The following DNAJC27 variants were observed in gnomAD, a reference collection of about 807,000 sequenced individuals.
DNAJC27 encodes the protein dnaJ homolog subfamily C member 27.
In DNAJC27, 25 loss-of-function variants were observed where a neutral mutation model predicts 31.4. That is an observed-to-expected ratio of 0.80 (90% CI 0.58 to 1.11). The LOEUF (loss-of-function observed/expected upper bound fraction) is 1.11. DNAJC27 is among the 50% of genes most tolerant of loss of function. The pLI, the probability that DNAJC27 is intolerant of heterozygous loss-of-function variation, is 0.00. For synonymous variants in DNAJC27, 106 were observed against 112.7 expected, an observed-to-expected ratio of 0.94 and a Z score of 0.37; for missense variants, 356 against 347.3, an observed-to-expected ratio of 1.02 and a Z score of -0.20.
chr2:24,959,959 C>T (rs1327540789), intron 3 of DNAJC27, among the ~76,000 whole-genome samples: 1 of 152,180 alleles, frequency 6.6e-6, no homozygotes, highest in Non-Finnish European at 1.5e-5. Flanking sequence ...CTTGTGTCAC[C>T]CACAGGGCCT....
In DNAJC27 at chr2:24,947,659, G is replaced by A. The variant is rs368660593; in HGVS notation, c.779C>T (p.Ala260Val). The A allele has an allele frequency of 4.3e-6, 7 of 1,612,684 alleles. No individual in the cohort carries two copies. The highest frequency in any genetic ancestry group is 3.4e-6 in the Non-Finnish European group (4 of 1,178,944). Residue 260 changes from alanine (A) to valine (V), a missense_variant, in exon 7 of 7, where the codon GCA (alanine) becomes GTA (valine). Coordinates refer to ENST00000264711, the MANE Select transcript of DNAJC27 (RefSeq NM_016544.3). ...VAPGSEDAFK[A>V]VVNARTALLK... is the part of the protein sequence containing the mutation. ...GAGGGCTGTCCGAGCATTCACAACTGCTTTGAAGGCATCTTCACTGCCAGG... is the reference window on the plus strand; with the variant it reads ...GAGGGCTGTCCGAGCATTCACAACTACTTTGAAGGCATCTTCACTGCCAGG...
intron 6 of DNAJC27, among the ~76,000 whole-genome samples, chr2:24,948,315 G>A (rs932940242): frequency 2.0e-5 from 3 of 152,124 alleles, no homozygotes; most frequent in African/African-American, 7.2e-5. Flanking sequence ...GCATGAGTGA[G>A]TACAAGTTTA....
intron 3 of DNAJC27, among the ~76,000 whole-genome samples, chr2:24,960,101 G>T (rs999828491): frequency 6.6e-6 from 1 of 152,104 alleles, no homozygotes; most frequent in Admixed American, 6.5e-5. Context: ...AGTCAAGCAA[G>T]TCTATTGATG....
At chr2:24,947,785 G>C in intron 6 of DNAJC27, 37 bp from the exon 7 acceptor site, 2 of 1,596,942 alleles carry the variant, frequency 1.3e-6, no homozygotes, top group Non-Finnish European at 1.7e-6. Context: ...TAGTAACAGA[G>C]TCAGCCCAAC....
At chr2:24,961,619 T>C (rs1444773709) in intron 3 of DNAJC27, among the ~76,000 whole-genome samples, 1 of 151,832 alleles carries the variant, frequency 6.6e-6, no homozygotes, top group Non-Finnish European at 1.5e-5. Context: ...TAACAAGAGT[T>C]TGGAAGTTGA....
At chr2:24,950,428 G>C (rs992780423) in intron 6 of DNAJC27, among the ~76,000 whole-genome samples, 1 of 152,204 alleles carries the variant, frequency 6.6e-6, no homozygotes, top group African/African-American at 2.4e-5. Context: ...AGTAACGGTA[G>C]AATTAGACCG....
chr2:24,949,725 G>A lies in DNAJC27; in HGVS notation c.689+1669C>T, dbSNP rs1249815584. Among the ~76,000 whole-genome samples the A allele has an allele frequency of 4.6e-5, 7 of 152,264 alleles. No individual in the cohort carries two copies. The East Asian group carries it at 1.2e-3, about 25-fold the overall frequency. ...CTGGTAAATTTCAATTAACCAAAGT[G>A]AATACATAAGGAGCCCTAAGTTTCT... On this transcript the variant is annotated intron_variant, in intron 6 of 6. Coordinates refer to ENST00000264711, the MANE Select transcript of DNAJC27 (RefSeq NM_016544.3).
intron 2 of DNAJC27, among the ~76,000 whole-genome samples, chr2:24,964,283 G>T (rs181141130): frequency 1.3e-5 from 2 of 151,916 alleles, no homozygotes; most frequent in Non-Finnish European, 2.9e-5. Flanking sequence ...TTAGCCGGGC[G>T]TGGTGGTGGG....
chr2:24,963,154 C>T, intron 3 of DNAJC27: 1 of 400,694 alleles, frequency 2.5e-6, no homozygotes, highest in Admixed American at 4.1e-5. Flanking sequence ...AGCAAAAGTC[C>T]TCTGAAAGTC....
chr2:24,944,352 CT>C lies in DNAJC27; in HGVS notation c.*3263del, dbSNP rs527583605. ...GTCATTGTTCAATGGGGCACAGCTC[CT>C]TTTTTTTTTTTTTCTTTTTTTTAAA... On this transcript the variant is annotated 3_prime_UTR_variant, in exon 7 of 7. Transcript: ENST00000264711. 1.4e-3 allele frequency: 192 copies of C among 141,690 alleles called. No individual in the cohort carries two copies. Among genetic ancestry groups the C allele is most frequent in the African/African-American group, 1.7e-3 (67 of 38,694 alleles). The allele number at this position is 141,690 out of a possible 1,614,324, so 8.8% of individuals were successfully genotyped here. A position where few individuals can be genotyped will look rare whatever the true frequency, so the allele number is the denominator to read the frequency against.
At chr2:24,951,819 A>C (rs1393627324) in intron 5 of DNAJC27, among the ~76,000 whole-genome samples, 2 of 152,170 alleles carry the variant, frequency 1.3e-5, no homozygotes, top group Admixed American at 1.3e-4. Context: ...GTTAAAAAGT[A>C]ACAGATGGGC....
At chr2:24,971,765 G>T in intron 1 of DNAJC27, 53 bp downstream of exon 1, 1 of 1,510,388 alleles carries the variant, frequency 6.6e-7, no homozygotes, top group Non-Finnish European at 8.9e-7. Context: ...CCAGCCAATG[G>T]ACACGTCGCC....
chr2:24,951,419 G>A lies in DNAJC27; in HGVS notation c.664C>T (p.Leu222=), dbSNP rs762421819. The change falls in exon 6 of 7, where the codon CTG becomes TTG. Residue 222 remains leucine (L), a synonymous_variant. Coordinates refer to ENST00000264711, the MANE Select transcript of DNAJC27 (RefSeq NM_016544.3). ...IRNSKDSWDM[L]GVKPGASRDE... is the part of the protein sequence containing the mutation. ...CTTGAGGCCCCAGGTTTGACTCCCA[G>A]CATGTCCCAACTGTCTTTACTATTT... 1.2e-6 allele frequency: 2 copies of A among 1,612,830 alleles called. No homozygotes were observed. The highest frequency in any genetic ancestry group is 2.7e-5 in the African/African-American group (2 of 74,892).
chr2:24,957,914 T>C lies in DNAJC27; in HGVS notation c.301A>G (p.Lys101Glu), dbSNP rs1397526177. The change falls in exon 4 of 7, where the codon AAA becomes GAA. Residue 101 changes from lysine to glutamate, a missense_variant. Lys to Glu is a moderately conservative substitution (Grantham distance 56). Transcript: ENST00000264711. ...GVILVYDVGQ[K>E]DSFDALDAWL... ...GCATCAAGGGCGTCAAAGGAGTCTT[T>C]CTGCCCAACATCATAGACCAGTATC... 7 of 1,614,056 alleles carry C rather than the reference T, an allele frequency of 4.3e-6. No individual in the cohort carries two copies. The African/African-American group carries it at 9.3e-5, about 22-fold the overall frequency.
chr2:24,948,427 G>C lies in DNAJC27; in HGVS notation c.690-679C>G, dbSNP rs147318905. Among the ~76,000 whole-genome samples the C allele has an allele frequency of 1.8e-3, 267 of 152,268 alleles. 4 individuals carry two copies. The highest frequency in any genetic ancestry group is 6.1e-3 in the African/African-American group (253 of 41,532). On this transcript the variant is annotated intron_variant, in intron 6 of 6. Coordinates refer to ENST00000264711, the MANE Select transcript of DNAJC27 (RefSeq NM_016544.3). ...AATATCCAGGAGGAGAAGATGAAAA[G>C]AAAGGGGCTGAAATGAGCTCCAGGG...
At position 24,954,943 on chromosome 2, in the gene DNAJC27, G is replaced by GA. The variant is rs796762269; in HGVS notation, c.528+2099dup. Among the ~76,000 whole-genome samples the GA allele has an allele frequency of 2.7e-4, 40 of 149,672 alleles. 1 individual carries two copies. The highest frequency in any genetic ancestry group is 7.1e-4 in the African/African-American group (29 of 40,816). On this transcript the variant is annotated intron_variant, in intron 5 of 6. Transcript: ENST00000264711. ...AGAGCCAGACTCCGTCTCAAAAAAA[G>GA]AAAAAAAAACCAACGGTCTTCTGAG...
Position 24,971,883 on chromosome 2 carries a change from G to A in DNAJC27, c.22C>T (p.Arg8Trp). 6.2e-7 allele frequency: 1 copy of A among 1,605,468 alleles called. No homozygotes were observed. Among genetic ancestry groups the A allele is most frequent in the South Asian group, 1.1e-5 (1 of 89,700 alleles). Reference sequence around the variant, plus strand: ...CGGAGAGACCTGCCGGGCTCCTTCCGCTTCGGCATGTTGGCCTCCATGGCC... The same window carrying A: ...CGGAGAGACCTGCCGGGCTCCTTCCACTTCGGCATGTTGGCCTCCATGGCC... MEANMPKRKEPGRSLRIK... is the reference protein window; with the variant it reads MEANMPKWKEPGRSLRIK... The change falls in exon 1 of 7, where the codon CGG becomes TGG. Residue 8 changes from arginine to tryptophan, a missense_variant. Arg to Trp is a moderately radical substitution (Grantham distance 101). Coordinates refer to ENST00000264711, the MANE Select transcript of DNAJC27 (RefSeq NM_016544.3).
intron 2 of DNAJC27, among the ~76,000 whole-genome samples, chr2:24,965,242 G>C (rs77604886): frequency 6.0e-5 from 9 of 151,096 alleles, no homozygotes; most frequent in Middle Eastern, 3.4e-3. Flanking sequence ...AAAAAAAAAA[G>C]AATGTGAATT....
chr2:24,958,165 A>T (rs557304396), intron 3 of DNAJC27, among the ~76,000 whole-genome samples, 191 bp from the exon 4 acceptor site: 2 of 152,320 alleles, frequency 1.3e-5, no homozygotes, highest in East Asian at 3.9e-4. Flanking sequence ...GTATTAGCAT[A>T]GAAGGACTTA....
Sources: gnomAD v4.1 joint callset for allele counts (sites outside exome capture counted in the v4.1 genomes callset) on GRCh38, gnomAD v4.1.1 for gene constraint, MANE v1.5 for transcripts, NCBI Gene and HGNC (gene_info 2026-07-23, HGNC 2026-07-21) for gene names.